Variants in SMIM35 observed in about 807,000 individuals in gnomAD.
SMIM35 encodes the protein small integral membrane protein 35, also known as TMPRSS4 antisense RNA 1 (non-protein coding).
intron 1 of SMIM35, chr11:118,025,971 AT>A (rs2135045704): frequency 3.3e-6 from 1 of 307,588 alleles, no homozygotes; most frequent in African/African-American, 2.3e-5. Flanking sequence ...ACTTTTGTAT[AT>A]GGTGAAAGTT....
At chr11:118,015,857 C>A (rs531866992) in intron 1 of SMIM35, 48 bp from the exon 2 acceptor site, 1 of 399,334 alleles carries the variant, frequency 2.5e-6, no homozygotes, top group Non-Finnish European at 4.4e-6. Context: ...CCTGCATCAA[C>A]CCACCTGCAC....
chr11:118,060,993 G>A (rs182166542), intron 1 of SMIM35, among the ~76,000 whole-genome samples: 272 of 152,362 alleles, frequency 1.8e-3, no homozygotes, highest in South Asian at 4.3e-3. Flanking sequence ...CTGGTTGCAG[G>A]TTGAGGAACT....
intron 1 of SMIM35, among the ~76,000 whole-genome samples, chr11:118,037,297 GC>G (rs2058367100): frequency 6.6e-6 from 1 of 152,194 alleles, no homozygotes; most frequent in Non-Finnish European, 1.5e-5. Flanking sequence ...TGCATCTGGG[GC>G]TCCATTTGAA....
intron 4 of SMIM35, among the ~76,000 whole-genome samples, chr11:118,012,242 C>T (rs1337327777): frequency 1.3e-5 from 2 of 152,188 alleles, no homozygotes; most frequent in African/African-American, 2.4e-5. Flanking sequence ...ACAGGAGCCC[C>T]GAGGACTCTG....
chr11:118,037,502 C>A (rs1453215624), intron 1 of SMIM35, among the ~76,000 whole-genome samples: 3 of 152,130 alleles, frequency 2.0e-5, no homozygotes, highest in Admixed American at 2.0e-4. Context: ...ACGTTGTATG[C>A]GATCTCGAAT....
chr11:118,037,836 T>C (rs1462286549), intron 1 of SMIM35, among the ~76,000 whole-genome samples: 3 of 152,222 alleles, frequency 2.0e-5, no homozygotes, highest in Non-Finnish European at 4.4e-5. Context: ...CTTTCATTGT[T>C]GCCTCTGCTC....
At chr11:118,062,515 C>T (rs1263598810) in intron 1 of SMIM35, among the ~76,000 whole-genome samples, 1 of 152,188 alleles carries the variant, frequency 6.6e-6, no homozygotes, top group East Asian at 1.9e-4. Context: ...CAAAGACCAG[C>T]TGGGAGTCAA....
intron 1 of SMIM35, among the ~76,000 whole-genome samples, chr11:118,073,200 A>C (rs568835971): frequency 5.9e-5 from 9 of 152,354 alleles, no homozygotes; most frequent in African/African-American, 2.2e-4. Context: ...GACCTCCCAA[A>C]GTGCTGGGAA....
intron 1 of SMIM35, among the ~76,000 whole-genome samples, chr11:118,045,678 G>A (rs1027882158): frequency 2.6e-5 from 4 of 152,158 alleles, no homozygotes; most frequent in South Asian, 2.1e-4. Flanking sequence ...AGTATCTCCT[G>A]TTTGAAACTA....
intron 4 of SMIM35, 114 bp downstream of exon 4, chr11:118,013,634 A>G (rs1285238165): frequency 2.5e-6 from 1 of 393,052 alleles, no homozygotes; most frequent in African/African-American, 2.1e-5. Flanking sequence ...GGATGAACCA[A>G]ATAATCTCTT....
intron 1 of SMIM35, among the ~76,000 whole-genome samples, chr11:118,066,472 C>T (rs894248343): frequency 2.0e-5 from 3 of 152,184 alleles, no homozygotes; most frequent in African/African-American, 4.8e-5. Context: ...TAAACTCCTA[C>T]TGGCTCCTTA....
At chr11:118,084,655 A>T (rs1372984931) in intron 1 of SMIM35, among the ~76,000 whole-genome samples, 1 of 152,162 alleles carries the variant, frequency 6.6e-6, no homozygotes, top group Non-Finnish European at 1.5e-5. Flanking sequence ...TCTGCTCTCC[A>T]TGCCTGTAGG....
At chr11:118,083,159 T>C (rs1425190100) in intron 1 of SMIM35, among the ~76,000 whole-genome samples, 1 of 152,220 alleles carries the variant, frequency 6.6e-6, no homozygotes, top group African/African-American at 2.4e-5. Context: ...ATCCAGCTTT[T>C]GCTCACACAT....
chr11:118,025,706 G>A (rs1446551364), intron 1 of SMIM35: 2 of 453,354 alleles, frequency 4.4e-6, no homozygotes, highest in East Asian at 1.4e-4. Flanking sequence ...CTTGTTGGAT[G>A]CATAGTTTGT....
At chr11:118,010,717 C>T (rs2058145477) in intron 4 of SMIM35, among the ~76,000 whole-genome samples, 1 of 152,186 alleles carries the variant, frequency 6.6e-6, no homozygotes, top group Non-Finnish European at 1.5e-5. Flanking sequence ...GCTGCAGGGA[C>T]AAGAGGCCAC....
chr11:118,033,372 T>C (rs1329009712), intron 1 of SMIM35, among the ~76,000 whole-genome samples: 1 of 152,250 alleles, frequency 6.6e-6, no homozygotes, highest in Non-Finnish European at 1.5e-5. Context: ...TCTACCCTTC[T>C]GTTTTGGTCA....
chr11:118,047,167 C>G (rs955372860), intron 1 of SMIM35, among the ~76,000 whole-genome samples: 26 of 152,144 alleles, frequency 1.7e-4, no homozygotes. Context: ...CACACTTTGT[C>G]CTTGTGTCAG....
At chr11:118,028,750 A>G (rs946292868) in intron 1 of SMIM35, 2 of 430,914 alleles carry the variant, frequency 4.6e-6, no homozygotes, top group African/African-American at 4.1e-5. Flanking sequence ...TTGGGGAAGA[A>G]GATGGAAGAA....
At chr11:118,078,772 G>A (rs927923246) in intron 1 of SMIM35, among the ~76,000 whole-genome samples, 11 of 152,150 alleles carry the variant, frequency 7.2e-5, no homozygotes, top group Non-Finnish European at 1.5e-4. Flanking sequence ...GCTGAGGCCA[G>A]CTCCCTGATT....
Sources: allele counts gnomAD v4.1 joint callset (sites outside exome capture counted in the v4.1 genomes callset), GRCh38; gene constraint gnomAD v4.1.1; transcripts MANE v1.5; gene names NCBI Gene and HGNC (gene_info 2026-07-23, HGNC 2026-07-21).